NBPF26: variants seen among roughly 807,000 people sequenced by gnomAD.
NBPF26 encodes the protein NBPF member 26, also known as NBPF family member NBPF26.
Under a neutral mutation model 119.6 loss-of-function variants are expected in NBPF26, and 79 were observed. The observed-to-expected ratio is 0.66, with a 90% CI of 0.55 to 0.80. NBPF26 has a LOEUF of 0.80. Among genes scored for constraint, NBPF26 ranks in the 30% least tolerant of loss-of-function variants. The probability of loss-of-function intolerance (pLI) is 0.00; values close to 1 mark genes in which losing one functional copy is unlikely to be tolerated. For missense variants in NBPF26, 800 were observed against 1,198.2 expected (o/e 0.67, Z 4.91); for synonymous variants, 299 against 457.7 (o/e 0.65, Z 4.43).
intron 1 of NBPF26, among the ~76,000 whole-genome samples, chr1:120,726,883 C>A (rs1351742998): frequency 8.7e-6 from 1 of 114,576 alleles, no homozygotes; most frequent in Non-Finnish European, 1.7e-5. Flanking sequence ...CCTACTGCCT[C>A]TCCTGTAGGC....
chr1:120,752,538 A>AT (rs1651029109), intron 1 of NBPF26, among the ~76,000 whole-genome samples: 1 of 14,356 alleles, frequency 7.0e-5, no homozygotes, highest in Non-Finnish European at 1.2e-4. Context: ...ATATATATAT[A>AT]TATATATATA....
intron 18 of NBPF26, 140 bp downstream of exon 19, chr1:120,825,057 T>TGCAGTAGA: frequency 1.9e-6 from 1 of 532,238 alleles, no homozygotes; most frequent in Non-Finnish European, 3.2e-6. Context: ...TGGTTTTCAT[T>TGCAGTAGA]GCAGTAGATG....
chr1:120,822,031 C>G, intron 15 of NBPF26, 73 bp from the exon 16 acceptor site: 1 of 1,438,492 alleles, frequency 7.0e-7, no homozygotes, highest in East Asian at 2.3e-5. Flanking sequence ...CCCATCAGAT[C>G]ATCTGGGAGG....
At chr1:120,811,258 A>T (rs1358182866) in intron 9 of NBPF26, among the ~76,000 whole-genome samples, 2 of 105,442 alleles carry the variant, frequency 1.9e-5, no homozygotes, top group African/African-American at 5.8e-5. Flanking sequence ...AAAAAAAAAA[A>T]GTCTCTGACC....
rs148858969 is a variant in NBPF26, at chr1:120,840,359, C to T, written c.4113C>T (p.Ser1371=). The change falls in exon 30 of 30, where the codon AGC becomes AGT. Residue 1371 remains serine, a synonymous_variant. Transcript: ENST00000620612. ...TTGTCTCCTTTTGCAGGCTCAACAG[C>T]ATGCTGATGGAAGTGGAAGAGCCTG... 2 of 1,451,490 alleles carry T rather than the reference C, an allele frequency of 1.4e-6. 1 individual carries two copies. 89.9% of individuals were successfully genotyped at this position (1,451,490 alleles called of 1,614,324 possible). A position where few individuals can be genotyped will look rare whatever the true frequency, so the allele number is the denominator to read the frequency against.
At chr1:120,810,071 G>A (rs1467660208) in intron 8 of NBPF26, among the ~76,000 whole-genome samples, 188 bp downstream of exon 8, 1 of 130,268 alleles carries the variant, frequency 7.7e-6, no homozygotes, top group Non-Finnish European at 1.6e-5. Flanking sequence ...CAAGTGTCAT[G>A]TCTGTACCAT....
chr1:120,809,294 TG>T (rs1285240426), intron 7 of NBPF26, among the ~76,000 whole-genome samples: 1 of 150,608 alleles, frequency 6.6e-6, no homozygotes, highest in Admixed American at 6.6e-5. Context: ...GCACTTGATG[TG>T]GGGTCATTTG....
Position 120,801,644 on chromosome 1 carries a change from A to G in NBPF26, c.752-3912A>G, listed in dbSNP as rs1651583054. 3.8e-5 allele frequency among the ~76,000 whole-genome samples: 4 copies of G among 106,156 alleles called. No individual in the cohort carries two copies. The Middle Eastern group carries it at 0.016, about 425-fold the overall frequency. The allele number at this position is 106,156 out of a possible 152,430, so 69.6% of individuals were successfully genotyped here. ...CAGAAGTTCAAAACCAGCCTGAGCA[A>G]CATAGCAAGACCTTGTCTCCATGAA... is the stretch of plus-strand genomic sequence containing the variant. On this transcript the variant is annotated intron_variant, in intron 4 of 29. Transcript: ENST00000620612.
At position 120,820,457 on chromosome 1, in the gene NBPF26, T is replaced by A. The variant is rs1342079804; in HGVS notation, c.2424-1647T>A. Among the ~76,000 whole-genome samples, 47 of 16,082 alleles carry A rather than the reference T, an allele frequency of 2.9e-3. 1 individual carries two copies. The highest frequency in any genetic ancestry group is 0.011 in the Admixed American group (20 of 1,856). The allele number at this position is 16,082 out of a possible 152,430, so 10.6% of individuals were successfully genotyped here. A position where few individuals can be genotyped will look rare whatever the true frequency, so the allele number is the denominator to read the frequency against. On this transcript the variant is annotated intron_variant, in intron 15 of 29. Transcript: ENST00000620612. ...ACTTAAAGTATTAAAAATATATATA[T>A]ATATATATATATATATATATATATA... is the stretch of plus-strand genomic sequence containing the variant.
In NBPF26 at chr1:120,814,730, G is replaced by A. The variant is rs1316576782; in HGVS notation, c.1878-99G>A. 11 of 694,450 alleles carry A rather than the reference G, an allele frequency of 1.6e-5. 3 individuals carry two copies. In the African/African-American group the frequency reaches 2.7e-4, roughly 17 times the overall value. 43.0% of individuals were successfully genotyped at this position (694,450 alleles called of 1,614,324 possible). On this transcript the variant is annotated intron_variant, in intron 11 of 29. Coordinates refer to ENST00000620612, the Ensembl canonical transcript of NBPF26. ...ACATGTGCTGACCTTCTGCTTCGAG[G>A]TCTCCTTGAGGACATTGTCTCAGAA...
chr1:120,822,110 G>T, exon 16 of NBPF26: 1 of 1,442,972 alleles, frequency 6.9e-7, no homozygotes, highest in South Asian at 1.2e-5. Context: ...TCAGGAATCT[G>T]CAGGAGTCTG....
At chr1:120,758,717 T>C (rs1292095278) in intron 1 of NBPF26, among the ~76,000 whole-genome samples, 3 of 43,622 alleles carry the variant, frequency 6.9e-5, no homozygotes, top group Non-Finnish European at 1.2e-4. Flanking sequence ...CTCCCTGGCC[T>C]CTGTCCTTGC....
chr1:120,747,481 G>A lies in NBPF26; in HGVS notation c.74-16147G>A. The stretch of plus-strand genomic sequence containing the variant: ...ATGTATCCTACTTTATGAAATCTGG[G>A]GGTAAAGCAGGACCCTTCAAACCCT... On this transcript the variant is annotated intron_variant, in intron 1 of 29. Coordinates refer to ENST00000620612, the Ensembl canonical transcript of NBPF26. Among the ~76,000 whole-genome samples, 2 of 29,256 alleles carry A rather than the reference G, an allele frequency of 6.8e-5. 1 individual carries two copies. The highest frequency in any genetic ancestry group is 1.2e-4 in the Non-Finnish European group (2 of 16,582). The allele number at this position is 29,256 out of a possible 152,430, so 19.2% of individuals were successfully genotyped here. A position where few individuals can be genotyped will look rare whatever the true frequency, so the allele number is the denominator to read the frequency against.
chr1:120,832,516 A>G (rs1652362116), intron 22 of NBPF26, among the ~76,000 whole-genome samples: 1 of 78,040 alleles, frequency 1.3e-5, no homozygotes, highest in East Asian at 3.3e-4. Context: ...ACAACCATGA[A>G]CAATCTGACT....
rs1352929521 is a variant in NBPF26 at position 120,823,243 on chromosome 1, A to C, written c.2588-66A>C. ...ATGTCCCTGTGTTAGGATTGGACAG[A>C]GGAATGTTTCTGTGTGCAAGGAAGA... On this transcript the variant is annotated intron_variant, in intron 16 of 29. Coordinates refer to ENST00000620612, the Ensembl canonical transcript of NBPF26. The C allele has an allele frequency of 2.5e-6, 2 of 795,226 alleles. 1 individual carries two copies. Among genetic ancestry groups the C allele is most frequent in the Non-Finnish European group, 4.1e-6 (2 of 493,572 alleles). 49.3% of individuals were successfully genotyped at this position (795,226 alleles called of 1,614,324 possible).
intron 1 of NBPF26, among the ~76,000 whole-genome samples, chr1:120,726,983 A>G (rs1330610872): frequency 8.7e-6 from 1 of 114,884 alleles, no homozygotes; most frequent in African/African-American, 5.2e-5. Flanking sequence ...TCAGTGGGAT[A>G]TGCTTGGATG....
chr1:120,754,718 T>C lies in NBPF26; in HGVS notation c.74-8910T>C, dbSNP rs1651061745. Among the ~76,000 whole-genome samples, 11 of 114,762 alleles carry C rather than the reference T, an allele frequency of 9.6e-5. 1 individual carries two copies. In the South Asian group the frequency reaches 2.8e-3, roughly 29 times the overall value. 75.3% of individuals were successfully genotyped at this position (114,762 alleles called of 152,430 possible). A position where few individuals can be genotyped will look rare whatever the true frequency, so the allele number is the denominator to read the frequency against. On this transcript the variant is annotated intron_variant, in intron 1 of 29. Coordinates refer to ENST00000620612, the Ensembl canonical transcript of NBPF26. ...TAGTTTTTACCATAATACACATGGC[T>C]TAAGATTTATAGGAGGCTAAGAGTG...
chr1:120,828,439 A>ACC (rs1652267303), intron 18 of NBPF26, among the ~76,000 whole-genome samples: 2 of 97,772 alleles, frequency 2.0e-5, no homozygotes, highest in Admixed American at 9.8e-5. Context: ...GGAAGCCCAG[A>ACC]CAAGGGATGG....
chr1:120,806,229 C>G (rs1294395834), intron 5 of NBPF26, among the ~76,000 whole-genome samples: 1 of 124,046 alleles, frequency 8.1e-6, no homozygotes, highest in Non-Finnish European at 1.6e-5. Flanking sequence ...TACCCAGTAC[C>G]TGTTCTGAGG....
Sources: allele counts gnomAD v4.1 joint callset (sites outside exome capture counted in the v4.1 genomes callset), GRCh38; gene constraint gnomAD v4.1.1; transcripts MANE v1.5; gene names NCBI Gene and HGNC (gene_info 2026-07-23, HGNC 2026-07-21).